Variants in NWD2 observed in about 807,000 individuals in gnomAD.
NWD2 encodes the protein NACHT and WD repeat domain-containing protein 2.
NWD2 carries 37 observed loss-of-function variants against 132.7 expected under a neutral mutation model. The observed-to-expected ratio is 0.28, with a 90% CI of 0.21 to 0.37. The LOEUF is 0.37. Ranked by LOEUF, NWD2 falls within the 10% of genes least tolerant of loss-of-function variation. The pLI is 1.00. For missense variants in NWD2, 1,592 were observed against 2,122.4 expected, an observed-to-expected ratio of 0.75 and a Z score of 4.91; for synonymous variants, 705 against 803.0, an observed-to-expected ratio of 0.88 and a Z score of 2.06.
At chr4:37,361,618 A>G (rs532934782) in intron 3 of NWD2, among the ~76,000 whole-genome samples, 109 of 152,206 alleles carry the variant, frequency 7.2e-4, no homozygotes, top group Middle Eastern at 3.4e-3. Flanking sequence ...AAAGCTTTTG[A>G]TAAACATTCC....
intron 6 of NWD2, among the ~76,000 whole-genome samples, chr4:37,441,833 G>T (rs2109330341): frequency 6.6e-6 from 1 of 152,290 alleles, no homozygotes; most frequent in African/African-American, 2.4e-5. Context: ...GATGCAGATA[G>T]ATATCTCATT....
chr4:37,359,085 C>T (rs1045092207), intron 3 of NWD2, among the ~76,000 whole-genome samples: 1 of 152,148 alleles, frequency 6.6e-6, no homozygotes, highest in Non-Finnish European at 1.5e-5. Flanking sequence ...CCTTTTATAA[C>T]CCTGTTGAGT....
intron 3 of NWD2, among the ~76,000 whole-genome samples, chr4:37,385,709 T>C (rs568635666): frequency 6.6e-6 from 1 of 152,238 alleles, no homozygotes; most frequent in Admixed American, 6.5e-5. Context: ...AGCTACCTCA[T>C]GAGAACAAGG....
intron 2 of NWD2, among the ~76,000 whole-genome samples, chr4:37,342,959 A>G (rs1451654899): frequency 1.3e-5 from 2 of 152,150 alleles, no homozygotes; most frequent in Non-Finnish European, 2.9e-5. Context: ...TATATCCGTC[A>G]TATGTCTCAT....
chr4:37,285,406 T>G (rs1357104615), intron 1 of NWD2, among the ~76,000 whole-genome samples: 1 of 152,080 alleles, frequency 6.6e-6, no homozygotes, highest in Non-Finnish European at 1.5e-5. Context: ...CTCCCGTATA[T>G]TAAAGTTGGC....
chr4:37,313,182 T>G lies in NWD2; in HGVS notation c.152-12754T>G, dbSNP rs1011361348. On this transcript the variant is annotated intron_variant, in intron 1 of 6. Transcript: ENST00000309447. ...AGGATTCCCTCTTTTTCTGTTGATT[T>G]GAATAGTTTCAGAAGGAATGGTACC... 7.3e-5 allele frequency among the ~76,000 whole-genome samples: 11 copies of G among 151,156 alleles called. 1 individual carries two copies. The highest frequency in any genetic ancestry group is 1.5e-4 in the African/African-American group (6 of 40,466).
At position 37,245,150 on chromosome 4, in the gene NWD2, C is replaced by G. The variant is rs778643721; in HGVS notation, c.83C>G (p.Thr28Arg). ...LRRAAFSGNL[T>R]ALPSHLVPAG... ...CGGGCGGCTTTCTCTGGGAACCTCA[C>G]GGCCCTGCCCTCTCACCTCGTGCCC... is the stretch of plus-strand genomic sequence containing the variant. Residue 28 changes from threonine (T) to arginine (R), a missense_variant, in exon 1 of 7, where the codon ACG becomes AGG. This residue lies in a region of NWD2 where 88 missense variants were observed against 92.8 expected (regional missense o/e 0.95). Coordinates refer to ENST00000309447, the MANE Select transcript of NWD2 (RefSeq NM_001144990.2). 1 of 1,547,430 alleles carries G rather than the reference C, an allele frequency of 6.5e-7. No homozygotes were observed. The highest frequency in any genetic ancestry group is 1.2e-5 in the South Asian group (1 of 83,996).
At chr4:37,392,781 A>G (rs980506041) in intron 3 of NWD2, among the ~76,000 whole-genome samples, 1 of 152,164 alleles carries the variant, frequency 6.6e-6, no homozygotes, top group Non-Finnish European at 1.5e-5. Flanking sequence ...CCTCTGAGTG[A>G]AGACTGACTC....
intron 3 of NWD2, among the ~76,000 whole-genome samples, chr4:37,378,396 T>C (rs1277186618): frequency 6.6e-6 from 1 of 152,242 alleles, no homozygotes. Context: ...TTAGAAACTT[T>C]TGGTTAAGAA....
intron 1 of NWD2, among the ~76,000 whole-genome samples, chr4:37,250,155 T>G (rs1305445160): frequency 8.1e-6 from 1 of 124,072 alleles, no homozygotes; most frequent in Admixed American, 9.9e-5. Context: ...TATATGTGTG[T>G]GTATACACAC....
intron 2 of NWD2, among the ~76,000 whole-genome samples, chr4:37,345,997 G>A (rs959442333): frequency 1.1e-4 from 16 of 151,146 alleles, no homozygotes; most frequent in South Asian, 4.2e-4. Context: ...AGGGAGAATC[G>A]CTTGAACCTG....
At chr4:37,247,141 G>T (rs999351336) in intron 1 of NWD2, among the ~76,000 whole-genome samples, 12 of 152,196 alleles carry the variant, frequency 7.9e-5, no homozygotes, top group African/African-American at 2.9e-4. Context: ...GCTTACCTGG[G>T]AAGTTTCAAT....
intron 3 of NWD2, among the ~76,000 whole-genome samples, chr4:37,389,570 G>A (rs966876909): frequency 2.0e-5 from 3 of 152,072 alleles, no homozygotes; most frequent in African/African-American, 7.2e-5. Context: ...TAGTCGTTCT[G>A]GCGCTCAGTT....
At chr4:37,438,063 C>A (rs1295386273) in intron 5 of NWD2, among the ~76,000 whole-genome samples, 2 of 151,980 alleles carry the variant, frequency 1.3e-5, no homozygotes, top group Admixed American at 1.3e-4. Flanking sequence ...AGAAAGAGAC[C>A]ATCCTGGCTA....
At chr4:37,365,434 G>A (rs189367843) in intron 3 of NWD2, among the ~76,000 whole-genome samples, 2 of 152,292 alleles carry the variant, frequency 1.3e-5, no homozygotes, top group African/African-American at 4.8e-5. Context: ...GAACTGGAAA[G>A]TCATCTAAAT....
chr4:37,410,015 A>G (rs990603277), intron 3 of NWD2, among the ~76,000 whole-genome samples: 1 of 152,208 alleles, frequency 6.6e-6, no homozygotes, highest in Non-Finnish European at 1.5e-5. Context: ...AGCACTAAAC[A>G]TGGAAAGGAA....
chr4:37,297,365 A>G (rs1178203504), intron 1 of NWD2, among the ~76,000 whole-genome samples: 1 of 152,116 alleles, frequency 6.6e-6, no homozygotes, highest in Non-Finnish European at 1.5e-5. Flanking sequence ...TTTTTCCCAA[A>G]TATTTTCTAT....
chr4:37,295,650 G>C (rs370457550), intron 1 of NWD2, among the ~76,000 whole-genome samples: 1 of 152,288 alleles, frequency 6.6e-6, no homozygotes, highest in African/African-American at 2.4e-5. Flanking sequence ...GGTTACCAGT[G>C]ATTCCCATAA....
chr4:37,435,718 A>C (rs1217834056), intron 5 of NWD2, among the ~76,000 whole-genome samples: 1 of 152,190 alleles, frequency 6.6e-6, no homozygotes, highest in Non-Finnish European at 1.5e-5. Context: ...CTTTCCCCAC[A>C]CAGTGAAGAA....
Sources: allele counts gnomAD v4.1 joint callset (sites outside exome capture counted in the v4.1 genomes callset), GRCh38; gene constraint gnomAD v4.1.1; regional missense constraint gnomAD v4.1.1; transcripts MANE v1.5; gene names NCBI Gene and HGNC (gene_info 2026-07-23, HGNC 2026-07-21).